Variants in ATP11A observed in about 807,000 individuals in gnomAD.
The protein encoded by ATP11A is phospholipid-transporting ATPase IH.
Under a neutral mutation model 154.4 loss-of-function variants are expected in ATP11A, and 81 were observed. The ratio of observed to expected loss-of-function variants is 0.52; its 90% CI spans 0.44 to 0.63. ATP11A has a LOEUF of 0.63. ATP11A is among the 30% of genes least tolerant of loss of function. The pLI, the probability that ATP11A is intolerant of heterozygous loss-of-function variation, is 0.00. For missense variants in ATP11A, 1,316 were observed against 1,474.3 expected (o/e 0.89, Z 1.76); for synonymous variants, 623 against 585.9 (o/e 1.06, Z -0.91).
At chr13:112,762,663 C>G (rs393244) in intron 1 of ATP11A, among the ~76,000 whole-genome samples, 2 of 152,094 alleles carry the variant, frequency 1.3e-5, no homozygotes, top group Admixed American at 1.3e-4. Flanking sequence ...TCCCATGTCC[C>G]TGTGGTAAAA....
At chr13:112,795,036 G>A (rs2077962728) in intron 2 of ATP11A, among the ~76,000 whole-genome samples, 1 of 152,144 alleles carries the variant, frequency 6.6e-6, no homozygotes, top group Non-Finnish European at 1.5e-5. Context: ...CTGAAGTCAG[G>A]AGTTCAAGAT....
At position 112,831,553 on chromosome 13, in the gene ATP11A, G is replaced by A; in HGVS notation, c.1395+5G>A. The A allele has an allele frequency of 6.2e-7, 1 of 1,613,602 alleles. No individual in the cohort carries two copies. Among genetic ancestry groups the A allele is most frequent in the Non-Finnish European group, 8.5e-7 (1 of 1,179,604 alleles). ...TCCCCCAGCGTCAACGGGAGGGTAG[G>A]TGGCAGCCCCCACGCCGTCCAAGTG... On this transcript the variant is annotated splice_donor_5th_base_variant and intron_variant, in intron 13 of 29. Coordinates refer to ENST00000375645, the MANE Select transcript of ATP11A (RefSeq NM_015205.3).
intron 26 of ATP11A, 145 bp downstream of exon 26, chr13:112,871,945 AC>A: frequency 2.4e-6 from 2 of 830,930 alleles, no homozygotes; most frequent in South Asian, 3.2e-5. Context: ...CTCCTGGGGC[AC>A]CCCTGGGCAT....
chr13:112,702,715 G>T (rs1208167332), intron 1 of ATP11A, among the ~76,000 whole-genome samples: 1 of 129,370 alleles, frequency 7.7e-6, no homozygotes, highest in Non-Finnish European at 1.7e-5. Flanking sequence ...AACTAAACTT[G>T]TCTAACACGT....
chr13:112,734,808 GTGGCAGGTGC>G (rs1890831959), intron 1 of ATP11A, among the ~76,000 whole-genome samples: 1 of 152,162 alleles, frequency 6.6e-6, no homozygotes, highest in Non-Finnish European at 1.5e-5. Context: ...GCCTGGTGGG[GTGGCAGGTGC>G]CTCCTCCTGA....
At chr13:112,863,416 T>A (rs1285579612) in intron 25 of ATP11A, among the ~76,000 whole-genome samples, 1 of 146,786 alleles carries the variant, frequency 6.8e-6, no homozygotes, top group Non-Finnish European at 1.5e-5. Context: ...TGCGCAGTAA[T>A]TCAGTGCAGG....
chr13:112,866,827 A>G (rs2080350593), intron 25 of ATP11A, among the ~76,000 whole-genome samples: 1 of 151,626 alleles, frequency 6.6e-6, no homozygotes. Flanking sequence ...CTTCGTCATC[A>G]CTTAAATCAG....
At chr13:112,777,984 T>C (rs1174953528) in intron 1 of ATP11A, among the ~76,000 whole-genome samples, 1 of 152,216 alleles carries the variant, frequency 6.6e-6, no homozygotes, top group Non-Finnish European at 1.5e-5. Flanking sequence ...GCACAGCCCA[T>C]GTGCAGGCGC....
chr13:112,718,594 C>A (rs908360612), intron 1 of ATP11A, among the ~76,000 whole-genome samples: 3 of 152,118 alleles, frequency 2.0e-5, no homozygotes, highest in Admixed American at 2.0e-4. Flanking sequence ...TTCTAACTGC[C>A]CTCGAGAGAT....
chr13:112,806,230 C>T lies in ATP11A; in HGVS notation c.270C>T (p.Pro90=), dbSNP rs928871671. Residue 90 remains proline (P), a synonymous_variant, in exon 4 of 30, where the codon CCC becomes CCT. Coordinates refer to ENST00000375645, the MANE Select transcript of ATP11A (RefSeq NM_015205.3). ...IFLVQLIIDT[P]TSPVTSGLPL... ...TTCTGCAGTTGATTATTGATACACC[C>T]ACAAGTCCAGTGACAAGCGGACTTC... 1.2e-6 allele frequency: 2 copies of T among 1,612,852 alleles called. No individual in the cohort carries two copies. Among genetic ancestry groups the T allele is most frequent in the South Asian group, 1.1e-5 (1 of 90,912 alleles).
At chr13:112,775,348 A>G (rs2077322347) in intron 1 of ATP11A, among the ~76,000 whole-genome samples, 1 of 152,160 alleles carries the variant, frequency 6.6e-6, no homozygotes, top group Admixed American at 6.5e-5. Flanking sequence ...TTCCTACCAC[A>G]CAGCGGGAGG....
At chr13:112,702,112 G>A (rs1267105956) in intron 1 of ATP11A, among the ~76,000 whole-genome samples, 2 of 152,034 alleles carry the variant, frequency 1.3e-5, no homozygotes, top group African/African-American at 2.4e-5. Context: ...TTGGGAGGCC[G>A]AGGCGGGTGG....
At chr13:112,742,708 C>T (rs917808915) in intron 1 of ATP11A, among the ~76,000 whole-genome samples, 6 of 152,202 alleles carry the variant, frequency 3.9e-5, no homozygotes, top group Admixed American at 2.0e-4. Context: ...CCGTGTGTGA[C>T]GGCCGGCCTT....
chr13:112,856,286 C>G, intron 20 of ATP11A: 1 of 532,286 alleles, frequency 1.9e-6, no homozygotes, highest in South Asian at 2.6e-5. Context: ...GGGTGATGAC[C>G]AGTCAGATGT....
intron 1 of ATP11A, among the ~76,000 whole-genome samples, chr13:112,771,442 C>T (rs1270392061): frequency 6.6e-6 from 1 of 152,182 alleles, no homozygotes; most frequent in Non-Finnish European, 1.5e-5. Flanking sequence ...TGGTTAAATC[C>T]GGAGGACACA....
In ATP11A at chr13:112,696,433, C is replaced by T. The variant is rs920831634; in HGVS notation, c.39+5978C>T. 6.6e-6 allele frequency among the ~76,000 whole-genome samples: 1 copy of T among 152,098 alleles called. No homozygotes were observed. Among genetic ancestry groups the T allele is most frequent in the African/African-American group, 2.4e-5 (1 of 41,426 alleles). On this transcript the variant is annotated intron_variant, in intron 1 of 29. Coordinates refer to ENST00000375645, the MANE Select transcript of ATP11A (RefSeq NM_015205.3). The surrounding 1 kb of genome is among the most constrained non-coding windows in gnomAD (Gnocchi z 6.2). ...AGCCTTTCTGCCTCTGCGCTTGCCT[C>T]CTCCGGTTGGAGCGAGTGACCCGTT...
intron 16 of ATP11A, among the ~76,000 whole-genome samples, chr13:112,841,224 C>T (rs1426640973): frequency 2.8e-5 from 4 of 143,858 alleles, no homozygotes; most frequent in Non-Finnish European, 6.0e-5. Flanking sequence ...CGTGGCTTCG[C>T]GGACCACGGA....
chr13:112,852,559 C>T (rs1411596495), intron 18 of ATP11A, among the ~76,000 whole-genome samples: 2 of 152,186 alleles, frequency 1.3e-5, no homozygotes, highest in Non-Finnish European at 2.9e-5. Context: ...GGGGCTGCGT[C>T]CTTGCTCTAG....
At chr13:112,695,960 C>G (rs574783619) in intron 1 of ATP11A, among the ~76,000 whole-genome samples, 61 of 152,334 alleles carry the variant, frequency 4.0e-4, no homozygotes, top group South Asian at 6.2e-4. Flanking sequence ...TTCTCTTTCA[C>G]TTGGATATTA....
Sources: gnomAD v4.1 joint callset for allele counts (sites outside exome capture counted in the v4.1 genomes callset) on GRCh38, gnomAD v4.1.1 for gene constraint, Gnocchi (gnomAD v3.1) non-coding constraint, MANE v1.5 for transcripts, NCBI Gene and HGNC (gene_info 2026-07-23, HGNC 2026-07-21) for gene names.